Variants in ATG10 observed in about 807,000 individuals in gnomAD.
ATG10 encodes the protein ubiquitin-like-conjugating enzyme ATG10.
A neutral mutation model predicts 32.1 loss-of-function variants in ATG10; 30 were observed. That is an observed-to-expected ratio of 0.94 (90% CI 0.70 to 1.27). The LOEUF (loss-of-function observed/expected upper bound fraction) is 1.27. Ranked by LOEUF, ATG10 falls within the 50% of genes most tolerant of loss-of-function variation. The pLI, the probability that ATG10 is intolerant of heterozygous loss-of-function variation, is 0.00. For synonymous variants in ATG10, 87 were observed against 91.5 expected, an observed-to-expected ratio of 0.95 and a Z score of 0.28; for missense variants, 233 against 262.3, an observed-to-expected ratio of 0.89 and a Z score of 0.77.
rs542583707 is a variant in ATG10 at position 82,030,198 on chromosome 5, T to C, written c.109-28297T>C. Among the ~76,000 whole-genome samples the C allele has an allele frequency of 1.1e-3, 174 of 152,274 alleles. 2 individuals carry two copies. The highest frequency in any genetic ancestry group is 2.2e-3 in the Admixed American group (34 of 15,286). On this transcript the variant is annotated intron_variant, in intron 2 of 7. Coordinates refer to ENST00000282185, the MANE Select transcript of ATG10 (RefSeq NM_031482.5). Reference sequence around the variant, plus strand: ...TTCTGGGCTTCATCGCAGTTGTTTGTGGGAAAGCTGAAGAATATGGTCTGA... The same window carrying C: ...TTCTGGGCTTCATCGCAGTTGTTTGCGGGAAAGCTGAAGAATATGGTCTGA...
intron 5 of ATG10, among the ~76,000 whole-genome samples, chr5:82,210,524 C>T (rs747505116): frequency 6.6e-5 from 10 of 152,142 alleles, no homozygotes; most frequent in Admixed American, 5.2e-4. Flanking sequence ...AGTAATCTTC[C>T]AAATACCAGG....
At chr5:82,110,854 A>G (rs1238518095) in intron 3 of ATG10, among the ~76,000 whole-genome samples, 3 of 152,048 alleles carry the variant, frequency 2.0e-5, no homozygotes, top group Admixed American at 6.6e-5. Context: ...AATAAAAAAT[A>G]TTAAAATCCT....
chr5:82,156,940 G>C (rs569246641), intron 3 of ATG10, among the ~76,000 whole-genome samples: 22 of 152,278 alleles, frequency 1.4e-4, no homozygotes, highest in African/African-American at 4.1e-4. Flanking sequence ...GTGTTTGCTG[G>C]CTTCCCAGCT....
At chr5:82,118,364 C>A (rs368010181) in intron 3 of ATG10, among the ~76,000 whole-genome samples, 3 of 61,878 alleles carry the variant, frequency 4.8e-5, no homozygotes, top group African/African-American at 2.3e-4. Context: ...CATATATATA[C>A]AAATATACAT....
intron 3 of ATG10, among the ~76,000 whole-genome samples, chr5:82,112,341 A>G (rs1174733347): frequency 3.3e-5 from 5 of 152,034 alleles, no homozygotes; most frequent in African/African-American, 1.2e-4. Context: ...TTTAAAATAT[A>G]TTTGAGGGGG....
rs796263941 is a variant in ATG10, at chr5:82,052,564, A to G, written c.109-5931A>G. On this transcript the variant is annotated intron_variant, in intron 2 of 7. Coordinates refer to ENST00000282185, the MANE Select transcript of ATG10 (RefSeq NM_031482.5). ...GTTTAAAATGAAGTGCCATGTATTT[A>G]TAGGCACAAAAGAGGTTTTACATTA... Among the ~76,000 whole-genome samples the G allele has an allele frequency of 3.0e-4, 45 of 152,316 alleles. 1 individual carries two copies. Among genetic ancestry groups the G allele is most frequent in the African/African-American group, 1.0e-3 (42 of 41,578 alleles).
intron 2 of ATG10, among the ~76,000 whole-genome samples, chr5:82,037,308 C>T (rs1362124309): frequency 5.2e-5 from 5 of 96,684 alleles, no homozygotes; most frequent in Non-Finnish European, 7.3e-5. Context: ...AGTGCAGTGG[C>T]GGGATCTCGG....
chr5:82,091,147 T>C (rs1444284797), intron 3 of ATG10, among the ~76,000 whole-genome samples: 1 of 152,198 alleles, frequency 6.6e-6, no homozygotes, highest in East Asian at 1.9e-4. Flanking sequence ...AGAGATATTT[T>C]GGGGAAGGAA....
At chr5:82,030,998 T>C (rs573566141) in intron 2 of ATG10, among the ~76,000 whole-genome samples, 1 of 152,316 alleles carries the variant, frequency 6.6e-6, no homozygotes, top group African/African-American at 2.4e-5. Flanking sequence ...TTATTATTAT[T>C]ATCATCATCG....
At chr5:82,096,233 A>G (rs1765059105) in intron 3 of ATG10, among the ~76,000 whole-genome samples, 2 of 152,230 alleles carry the variant, frequency 1.3e-5, no homozygotes, top group Admixed American at 1.3e-4. Flanking sequence ...GCACTCACAC[A>G]TCTATTTCTA....
At chr5:82,049,411 AG>A (rs1400788464) in intron 2 of ATG10, among the ~76,000 whole-genome samples, 181 of 35,134 alleles carry the variant, frequency 5.2e-3, no homozygotes, top group African/African-American at 0.019. Flanking sequence ...GGGTGGGGGG[AG>A]GGGGGGAGGG....
chr5:81,974,193 A>G (rs914695069), intron 1 of ATG10, among the ~76,000 whole-genome samples: 2 of 152,188 alleles, frequency 1.3e-5, no homozygotes, highest in Non-Finnish European at 2.9e-5. Flanking sequence ...AATCATAAAT[A>G]TAATCAGGGA....
intron 1 of ATG10, among the ~76,000 whole-genome samples, chr5:81,977,395 T>C (rs1760901513): frequency 6.6e-6 from 1 of 152,190 alleles, no homozygotes; most frequent in African/African-American, 2.4e-5. Flanking sequence ...GTCCTGTACA[T>C]TGTAGGATGT....
At chr5:81,985,269 C>G (rs1761225009) in intron 1 of ATG10, among the ~76,000 whole-genome samples, 1 of 152,132 alleles carries the variant, frequency 6.6e-6, no homozygotes, top group Admixed American at 6.5e-5. Context: ...GATTTGGTAT[C>G]TTTCAGTATA....
intron 2 of ATG10, among the ~76,000 whole-genome samples, chr5:82,028,370 G>A (rs1762651030): frequency 6.6e-6 from 1 of 152,162 alleles, no homozygotes. Context: ...ATGAAATATT[G>A]AAGGTGGTAA....
chr5:82,139,112 G>A (rs1487399674), intron 3 of ATG10, among the ~76,000 whole-genome samples: 10 of 146,026 alleles, frequency 6.8e-5, no homozygotes, highest in Admixed American at 1.3e-4. Context: ...CCGAGGTGCC[G>A]GGATTGCAGA....
intron 5 of ATG10, among the ~76,000 whole-genome samples, chr5:82,244,735 A>G (rs1746954687): frequency 6.6e-6 from 1 of 152,224 alleles, no homozygotes; most frequent in Admixed American, 6.6e-5. Context: ...ATGAAGGTGC[A>G]GTATTATCAT....
At chr5:82,049,922 T>G (rs1763353805) in intron 2 of ATG10, among the ~76,000 whole-genome samples, 1 of 152,196 alleles carries the variant, frequency 6.6e-6, no homozygotes, top group African/African-American at 2.4e-5. Flanking sequence ...GATTGGGTTT[T>G]TATTTTATTT....
chr5:82,104,689 A>G (rs1765391403), intron 3 of ATG10, among the ~76,000 whole-genome samples: 1 of 152,088 alleles, frequency 6.6e-6, no homozygotes, highest in African/African-American at 2.4e-5. Context: ...CTTAAACACC[A>G]TTATTTAATT....
Sources: allele counts gnomAD v4.1 joint callset (sites outside exome capture counted in the v4.1 genomes callset), GRCh38; gene constraint gnomAD v4.1.1; transcripts MANE v1.5; gene names NCBI Gene and HGNC (gene_info 2026-07-23, HGNC 2026-07-21).